The following PRICKLE2 variants were observed in gnomAD, a reference collection of about 807,000 sequenced individuals.
PRICKLE2 encodes the protein prickle-like protein 2.
In PRICKLE2, 21 loss-of-function variants were observed where a neutral mutation model predicts 81.4. The observed-to-expected ratio is 0.26, with a 90% confidence interval of 0.18 to 0.37. The LOEUF (loss-of-function observed/expected upper bound fraction) is 0.37, where lower values mean the gene tolerates loss of function less well. Among genes scored for constraint, PRICKLE2 ranks in the 10% least tolerant of loss-of-function variants. The pLI is 1.00. For missense variants in PRICKLE2, 940 were observed against 1,109.0 expected (o/e 0.85, Z 2.16); for synonymous variants, 456 against 421.5 (o/e 1.08, Z -1.00).
chr3:64,221,426 C>T (rs928275160), intron 1 of PRICKLE2, among the ~76,000 whole-genome samples: 1 of 142,434 alleles, frequency 7.0e-6, no homozygotes, highest in Non-Finnish European at 1.6e-5. Context: ...TTCATACACA[C>T]ACACACACAC....
intron 2 of PRICKLE2, among the ~76,000 whole-genome samples, chr3:64,266,442 G>A (rs1051311805): frequency 2.6e-5 from 4 of 152,190 alleles, no homozygotes; most frequent in African/African-American, 9.6e-5. Flanking sequence ...TCCAGAGAGA[G>A]CTGGGTAGTC....
intron 7 of PRICKLE2, among the ~76,000 whole-genome samples, chr3:64,112,447 A>G (rs2076864102): frequency 6.6e-6 from 1 of 152,200 alleles, no homozygotes; most frequent in South Asian, 2.1e-4. Flanking sequence ...CAACAGAACC[A>G]ATTACTAGAT....
chr3:64,243,706 G>A (rs1007183687), intron 2 of PRICKLE2, among the ~76,000 whole-genome samples: 1 of 152,140 alleles, frequency 6.6e-6, no homozygotes, highest in Admixed American at 6.6e-5. Flanking sequence ...CATAGTAATA[G>A]TGCTATAATA....
intron 5 of PRICKLE2, 29 bp downstream of exon 5, chr3:64,157,133 C>G: frequency 6.2e-7 from 1 of 1,603,866 alleles, no homozygotes; most frequent in South Asian, 1.1e-5. Flanking sequence ...GGGTGATGGG[C>G]AGGTAAACCT....
At position 64,113,829 on chromosome 3, in the gene PRICKLE2, GC is replaced by G. The variant is rs560117576; in HGVS notation, c.1661-13905del. 2.6e-5 allele frequency among the ~76,000 whole-genome samples: 4 copies of G among 152,214 alleles called. No individual in the cohort carries two copies. The South Asian group carries it at 8.3e-4, about 32-fold the overall frequency. On this transcript the variant is annotated intron_variant, in intron 7 of 7. Coordinates refer to ENST00000638394, the MANE Select transcript of PRICKLE2 (RefSeq NM_198859.4). ...AGAGAAGGCACCCAAACCTGCCCCA[GC>G]CAGCACCCTGCCCCAAGCCAATACC...
chr3:64,233,556 C>T (rs1345284203), intron 2 of PRICKLE2, among the ~76,000 whole-genome samples: 1 of 152,204 alleles, frequency 6.6e-6, no homozygotes, highest in East Asian at 1.9e-4. Context: ...TGCTCTGTCA[C>T]TATTTCAAGT....
intron 7 of PRICKLE2, among the ~76,000 whole-genome samples, chr3:64,122,109 G>T (rs1209991202): frequency 6.6e-6 from 1 of 152,194 alleles, no homozygotes; most frequent in Non-Finnish European, 1.5e-5. Flanking sequence ...AAAAGGGAGG[G>T]AAAGAAGAGT....
chr3:64,099,570 T>C lies in PRICKLE2; in HGVS notation c.2016A>G (p.Arg672=). The part of the protein sequence containing the change: ...IQPMSERTRR[R]ATSRDDNRRF... Reference sequence around the variant, plus strand: ...GGCGGTTGTCGTCGCGTGAAGTAGCTCTTCTCCGGGTGCGTTCACTCATGG... The same window carrying C: ...GGCGGTTGTCGTCGCGTGAAGTAGCCCTTCTCCGGGTGCGTTCACTCATGG... The change falls in exon 8 of 8, where the codon AGA becomes AGG. Residue 672 remains arginine, a synonymous_variant. Transcript: ENST00000638394. The surrounding 1 kb of genome is among the most constrained non-coding windows in gnomAD (Gnocchi z 4.3). 1 of 1,612,728 alleles carries C rather than the reference T, an allele frequency of 6.2e-7. No individual in the cohort carries two copies. Among genetic ancestry groups the C allele is most frequent in the South Asian group, 1.1e-5 (1 of 91,064 alleles).
At chr3:64,138,534 A>G (rs2077310856) in intron 7 of PRICKLE2, among the ~76,000 whole-genome samples, 1 of 152,238 alleles carries the variant, frequency 6.6e-6, no homozygotes, top group East Asian at 1.9e-4. Context: ...GGGAACAAGA[A>G]CTCAGAGACA....
At chr3:64,100,467 G>A (rs573087098) in intron 7 of PRICKLE2, 1 of 158,406 alleles carries the variant, frequency 6.3e-6, no homozygotes, top group Non-Finnish European at 1.4e-5. Context: ...AGTGGCAGGT[G>A]GCTCCCTATC....
chr3:64,101,823 G>A (rs2076668420), intron 7 of PRICKLE2: 1 of 151,258 alleles, frequency 6.6e-6, no homozygotes, highest in Non-Finnish European at 1.5e-5. Flanking sequence ...AAAATTTGAT[G>A]GGGGAGAGCA....
intron 1 of PRICKLE2, among the ~76,000 whole-genome samples, chr3:64,209,961 A>AGGTCCT (rs2078758862): frequency 6.6e-6 from 1 of 152,184 alleles, no homozygotes; most frequent in African/African-American, 2.4e-5. Flanking sequence ...TTTTCCCGGC[A>AGGTCCT]GAGAAGAAGT....
intron 1 of PRICKLE2, among the ~76,000 whole-genome samples, chr3:64,212,609 A>C (rs892248238): frequency 6.6e-6 from 1 of 152,188 alleles, no homozygotes; most frequent in Non-Finnish European, 1.5e-5. Context: ...ATATTCCCTA[A>C]GTACTTAAAG....
chr3:64,117,365 G>C (rs989448548), intron 7 of PRICKLE2, among the ~76,000 whole-genome samples: 1 of 152,096 alleles, frequency 6.6e-6, no homozygotes, highest in African/African-American at 2.4e-5. Flanking sequence ...TCAGGCAAGA[G>C]AAAGAAATAA....
chr3:64,167,177 T>C (rs2077847864), intron 2 of PRICKLE2, among the ~76,000 whole-genome samples: 2 of 152,220 alleles, frequency 1.3e-5, no homozygotes, highest in Non-Finnish European at 2.9e-5. Context: ...AGTCCAAACA[T>C]GTTTCACTTG....
upstream of PRICKLE2, among the ~76,000 whole-genome samples, chr3:64,227,935 A>G (rs1357096876): frequency 6.6e-6 from 1 of 152,200 alleles, no homozygotes; most frequent in Non-Finnish European, 1.5e-5. Context: ...TTCCTAGAGC[A>G]TATCTCAAAG....
chr3:64,125,420 G>C (rs2077091145), intron 7 of PRICKLE2, among the ~76,000 whole-genome samples: 1 of 152,186 alleles, frequency 6.6e-6, no homozygotes, highest in Non-Finnish European at 1.5e-5. Context: ...CTATCAAACA[G>C]CATCACATAC....
chr3:64,219,803 C>T (rs1223672465), intron 1 of PRICKLE2, among the ~76,000 whole-genome samples: 2 of 152,166 alleles, frequency 1.3e-5, no homozygotes, highest in African/African-American at 4.8e-5. Flanking sequence ...GATTTGGACT[C>T]TAATTATCCT....
At chr3:64,249,904 T>C (rs1334760138) in intron 2 of PRICKLE2, among the ~76,000 whole-genome samples, 7 of 152,242 alleles carry the variant, frequency 4.6e-5, no homozygotes, top group African/African-American at 7.2e-5. Context: ...TCAATATTGC[T>C]TTCACATGGC....
Sources: gnomAD v4.1 joint callset for allele counts (sites outside exome capture counted in the v4.1 genomes callset) on GRCh38, gnomAD v4.1.1 for gene constraint, Gnocchi (gnomAD v3.1) non-coding constraint, MANE v1.5 for transcripts, NCBI Gene and HGNC (gene_info 2026-07-23, HGNC 2026-07-21) for gene names.